SARDH: variants seen among roughly 807,000 people sequenced by gnomAD.
The protein encoded by SARDH is sarcosine dehydrogenase, mitochondrial.
Under a neutral mutation model 109.1 loss-of-function variants are expected in SARDH, and 95 were observed. The observed-to-expected ratio is 0.87, with a 90% CI of 0.74 to 1.03. The LOEUF (loss-of-function observed/expected upper bound fraction) is 1.03. Ranked by LOEUF, SARDH falls within the 50% of genes least tolerant of loss-of-function variation. The probability of loss-of-function intolerance (pLI) is 0.00; values close to 1 mark genes in which losing one functional copy is unlikely to be tolerated. For synonymous variants in SARDH, 572 were observed against 534.8 expected, an observed-to-expected ratio of 1.07 and a Z score of -0.96; for missense variants, 1,267 against 1,287.8, an observed-to-expected ratio of 0.98 and a Z score of 0.25.
chr9:133,694,707 C>T (rs1831222378), intron 14 of SARDH, among the ~76,000 whole-genome samples: 1 of 152,176 alleles, frequency 6.6e-6, no homozygotes, highest in Non-Finnish European at 1.5e-5. Flanking sequence ...GGATTCATGC[C>T]CCCCGTTCAT....
downstream of SARDH, among the ~76,000 whole-genome samples, chr9:133,661,210 G>A (rs147130976): frequency 2.0e-5 from 3 of 152,078 alleles, no homozygotes; most frequent in East Asian, 5.9e-4. Flanking sequence ...CTGTGGTGGT[G>A]CGCGTTTGTA....
intron 8 of SARDH, among the ~76,000 whole-genome samples, chr9:133,714,121 C>T (rs1832033108): frequency 6.6e-6 from 1 of 152,208 alleles, no homozygotes; most frequent in African/African-American, 2.4e-5. Flanking sequence ...GTCTGAGGGA[C>T]CCCAGGGCAC....
At chr9:133,667,132 C>A in intron 19 of SARDH, 1 of 575,626 alleles carries the variant, frequency 1.7e-6, no homozygotes, top group Admixed American at 3.1e-5. Context: ...TTTCCAGAAG[C>A]GAGCCCCGTA....
rs1196151214 is a variant in SARDH at position 133,686,204 on chromosome 9, C to G, written c.2070-918G>C. Among the ~76,000 whole-genome samples, 6 of 152,082 alleles carry G rather than the reference C, an allele frequency of 3.9e-5. No homozygotes were observed. Among genetic ancestry groups the G allele is most frequent in the Non-Finnish European group, 7.4e-5 (5 of 68,000 alleles). On this transcript the variant is annotated intron_variant, in intron 16 of 20. Transcript: ENST00000439388. This position sits in a 1 kb window ranked among gnomAD's most constrained non-coding sequence, Gnocchi z 4.0. Reference sequence around the variant, plus strand: ...GGGGATTCGCTCCCCACTTTCCCTGCTCCGTGGTACCCAGCACCACATCTA... The same window carrying G: ...GGGGATTCGCTCCCCACTTTCCCTGGTCCGTGGTACCCAGCACCACATCTA...
rs1031391021 is a variant in SARDH, at chr9:133,712,215, C to T, written c.1328+404G>A. ...CATTCCTGGCCGCTTTGTCAGTGTACGATTGAACGGGACAGCCGGGGCTGC... is the reference window on the plus strand; with the variant it reads ...CATTCCTGGCCGCTTTGTCAGTGTATGATTGAACGGGACAGCCGGGGCTGC... On this transcript the variant is annotated intron_variant, in intron 10 of 20. Transcript: ENST00000439388. This position sits in a 1 kb window ranked among gnomAD's most constrained non-coding sequence, Gnocchi z 4.1. Among the ~76,000 whole-genome samples, 36 of 152,284 alleles carry T rather than the reference C, an allele frequency of 2.4e-4. No homozygotes were observed. The highest frequency in any genetic ancestry group is 8.8e-5 in the Non-Finnish European group (6 of 68,016).
At chr9:133,737,038 G>A (rs544945545) in intron 1 of SARDH, among the ~76,000 whole-genome samples, 1 of 152,354 alleles carries the variant, frequency 6.6e-6, no homozygotes, top group East Asian at 1.9e-4. Flanking sequence ...AGGTGACCAG[G>A]GTCATAGGGC....
Position 133,729,614 on chromosome 9 carries a change from G to A in SARDH, c.915+151C>T, listed in dbSNP as rs1832603947. On this transcript the variant is annotated intron_variant, in intron 6 of 20. Coordinates refer to ENST00000439388, the MANE Select transcript of SARDH (RefSeq NM_001134707.2). ...CTCATACCACCCGGAAATACCCCATGTTACAATCCCCATTTCACAGATGAG... is the reference window on the plus strand; with the variant it reads ...CTCATACCACCCGGAAATACCCCATATTACAATCCCCATTTCACAGATGAG... 6 of 641,768 alleles carry A rather than the reference G, an allele frequency of 9.3e-6. No individual in the cohort carries two copies. The South Asian group carries it at 1.1e-4, about 12-fold the overall frequency. The allele number at this position is 641,768 out of a possible 1,614,324, so 39.8% of individuals were successfully genotyped here. A position where few individuals can be genotyped will look rare whatever the true frequency, so the allele number is the denominator to read the frequency against.
chr9:133,680,235 C>T (rs1564243797), intron 17 of SARDH, among the ~76,000 whole-genome samples: 1 of 152,342 alleles, frequency 6.6e-6, no homozygotes, highest in East Asian at 1.9e-4. Context: ...AGAGGCGACC[C>T]GCAGAAGGAC....
intron 18 of SARDH, 125 bp downstream of exon 18, chr9:133,671,409 TG>T (rs1218710097): frequency 4.0e-6 from 5 of 1,241,254 alleles, no homozygotes; most frequent in Non-Finnish European, 5.5e-6. Flanking sequence ...AATCATGGTG[TG>T]GAAAGAAGGA....
At chr9:133,690,698 G>A (rs970742097) in intron 15 of SARDH, among the ~76,000 whole-genome samples, 171 bp from the exon 16 acceptor site, 1 of 152,012 alleles carries the variant, frequency 6.6e-6, no homozygotes, top group Non-Finnish European at 1.5e-5. Flanking sequence ...CCAGGGCCAC[G>A]CCTTGCAGAG....
intron 17 of SARDH, among the ~76,000 whole-genome samples, chr9:133,677,181 C>A (rs1830545265): frequency 6.6e-6 from 1 of 152,124 alleles, no homozygotes; most frequent in Non-Finnish European, 1.5e-5. Flanking sequence ...CCTGAAACCA[C>A]CCCTTGGCGT....
intron 10 of SARDH, among the ~76,000 whole-genome samples, chr9:133,708,959 C>T (rs1049795507): frequency 6.6e-6 from 1 of 152,168 alleles, no homozygotes; most frequent in Non-Finnish European, 1.5e-5. Flanking sequence ...AGGGTGGCCG[C>T]CTGTCCCATC....
chr9:133,694,070 G>A (rs570851890), intron 15 of SARDH, among the ~76,000 whole-genome samples, 188 bp downstream of exon 15: 36 of 152,282 alleles, frequency 2.4e-4, no homozygotes, highest in Admixed American at 3.9e-4. Context: ...CAGCAATGCC[G>A]CCTGAACAAA....
At chr9:133,703,244 T>G (rs1005530721) in intron 12 of SARDH, 1 of 564,720 alleles carries the variant, frequency 1.8e-6, no homozygotes, top group Non-Finnish European at 3.2e-6. Flanking sequence ...GGTTGCCTGG[T>G]GGGTCTGAGA....
chr9:133,710,154 T>C (rs1417419795), intron 10 of SARDH, among the ~76,000 whole-genome samples: 1 of 152,250 alleles, frequency 6.6e-6, no homozygotes, highest in East Asian at 1.9e-4. Context: ...GCCCACACTC[T>C]GGCTCTGCCT....
intron 13 of SARDH, among the ~76,000 whole-genome samples, chr9:133,696,858 G>A (rs1054811137): frequency 6.6e-6 from 1 of 152,160 alleles, no homozygotes; most frequent in African/African-American, 2.4e-5. Flanking sequence ...CTGCTTGTAT[G>A]TGCTTGCATT....
intron 17 of SARDH, among the ~76,000 whole-genome samples, chr9:133,676,419 T>A (rs1192395343): frequency 2.0e-5 from 3 of 152,202 alleles, no homozygotes; most frequent in Non-Finnish European, 4.4e-5. Context: ...GAAGACATTC[T>A]GGAGGTTTGT....
chr9:133,675,758 A>C (rs529877804), intron 17 of SARDH, among the ~76,000 whole-genome samples: 49 of 152,322 alleles, frequency 3.2e-4, no homozygotes, highest in African/African-American at 1.1e-3. Context: ...GGTTATTCAC[A>C]ATAGCCAAGA....
rs1205472964 is a variant in SARDH at position 133,712,364 on chromosome 9, C to T, written c.1328+255G>A. On this transcript the variant is annotated intron_variant, in intron 10 of 20. Transcript: ENST00000439388. This position sits in a 1 kb window ranked among gnomAD's most constrained non-coding sequence, Gnocchi z 4.1. ...GGTGATGCCATCCCACTGATGACTC[C>T]AGAGCTGTCCAGGGGCTCAGGCAGG... Among the ~76,000 whole-genome samples the T allele has an allele frequency of 6.6e-6, 1 of 152,106 alleles. No individual in the cohort carries two copies. The highest frequency in any genetic ancestry group is 1.5e-5 in the Non-Finnish European group (1 of 68,010).
Sources: gnomAD v4.1 joint callset for allele counts (sites outside exome capture counted in the v4.1 genomes callset) on GRCh38, gnomAD v4.1.1 for gene constraint, Gnocchi (gnomAD v3.1) non-coding constraint, MANE v1.5 for transcripts, NCBI Gene and HGNC (gene_info 2026-07-23, HGNC 2026-07-21) for gene names.